C1QTNF3: variants seen among roughly 807,000 people sequenced by gnomAD.
C1QTNF3 encodes the protein complement C1q tumor necrosis factor-related protein 3.
In C1QTNF3, 26 loss-of-function variants were observed where a neutral mutation model predicts 32.6. The ratio of observed to expected loss-of-function variants is 0.80; its 90% CI spans 0.58 to 1.11. The LOEUF (loss-of-function observed/expected upper bound fraction) is 1.11, where lower values mean the gene tolerates loss of function less well. Ranked by LOEUF, C1QTNF3 falls within the 50% of genes least tolerant of loss-of-function variation. The pLI is 0.00. For missense variants in C1QTNF3, 362 were observed against 398.2 expected (o/e 0.91, Z 0.77); for synonymous variants, 155 against 146.0 (o/e 1.06, Z -0.44).
At chr5:34,194,773 A>T in the C1QTNF3 span, among the ~76,000 whole-genome samples, 2 of 152,290 alleles carry the variant, frequency 1.3e-5, no homozygotes, top group Admixed American at 6.5e-5. Flanking sequence ...TGAGGATAAC[A>T]AAGGATACTC....
intron 1 of C1QTNF3, among the ~76,000 whole-genome samples, chr5:34,037,590 A>G (rs1754771208): frequency 6.6e-6 from 1 of 152,234 alleles, no homozygotes; most frequent in East Asian, 1.9e-4. Context: ...GCAACCTCTC[A>G]GAACCCAAGT....
At chr5:34,188,526 A>C in the C1QTNF3 span, among the ~76,000 whole-genome samples, 7 of 152,374 alleles carry the variant, frequency 4.6e-5, no homozygotes, top group East Asian at 1.2e-3. Context: ...TAGATGTGAC[A>C]CATGGAGTCA....
rs193249794 is a variant in C1QTNF3 at position 34,021,695 on chromosome 5, A to G, written c.801-953T>C. Among the ~76,000 whole-genome samples, 59 of 152,354 alleles carry G rather than the reference A, an allele frequency of 3.9e-4. 2 individuals carry two copies. In the East Asian group the frequency reaches 0.011, roughly 28 times the overall value. On this transcript the variant is annotated intron_variant, in intron 5 of 5. Transcript: ENST00000382065. The stretch of plus-strand genomic sequence containing the variant: ...AACCAAACACCGCATATTCTCACTC[A>G]TAAGTGGGAGTTGAACAATGAGAAC...
chr5:34,047,022 TTA>T (rs1326879379), upstream of C1QTNF3, among the ~76,000 whole-genome samples: 1 of 152,242 alleles, frequency 6.6e-6, no homozygotes, highest in Non-Finnish European at 1.5e-5. Flanking sequence ...AGAATGTTCC[TTA>T]TGTCTAGTTT....
chr5:34,172,440 CG>C, the C1QTNF3 span, among the ~76,000 whole-genome samples: 406 of 21,302 alleles, frequency 0.019, no homozygotes, highest in Non-Finnish European at 0.052. Context: ...CGGGGTTGGG[CG>C]GGGGGGGCGG....
At chr5:34,089,537 G>A in the C1QTNF3 span, among the ~76,000 whole-genome samples, 1 of 152,188 alleles carries the variant, frequency 6.6e-6, no homozygotes, top group Non-Finnish European at 1.5e-5. Flanking sequence ...CAAGGAAAAA[G>A]CCCCTCAGCA....
the C1QTNF3 span, among the ~76,000 whole-genome samples, chr5:34,139,781 C>A: frequency 6.6e-6 from 1 of 152,088 alleles, no homozygotes; most frequent in Non-Finnish European, 1.5e-5. Context: ...TTAGCAAGAT[C>A]TGATTATCCA....
At chr5:34,084,789 GTTT>G in the C1QTNF3 span, among the ~76,000 whole-genome samples, 2 of 68,756 alleles carry the variant, frequency 2.9e-5, no homozygotes, top group African/African-American at 1.5e-4. Flanking sequence ...GGTTTTTCTG[GTTT>G]TTTTTTTGTT....
chr5:34,064,851 G>A, the C1QTNF3 span, among the ~76,000 whole-genome samples: 1 of 152,108 alleles, frequency 6.6e-6, no homozygotes, highest in East Asian at 1.9e-4. Flanking sequence ...GATTAGGTGA[G>A]GCCATCTACA....
chr5:34,100,511 A>C, the C1QTNF3 span, among the ~76,000 whole-genome samples: 1 of 152,084 alleles, frequency 6.6e-6, no homozygotes, highest in African/African-American at 2.4e-5. Context: ...GAAGATAATT[A>C]ACACAGTACC....
the C1QTNF3 span, among the ~76,000 whole-genome samples, chr5:34,135,301 C>T: frequency 1.3e-5 from 2 of 152,144 alleles, no homozygotes; most frequent in Admixed American, 6.5e-5. Context: ...TTTTGATGTG[C>T]TGCTGGATTC....
intron 4 of C1QTNF3, 198 bp from the exon 5 acceptor site, chr5:34,024,206 T>C (rs912232629): frequency 2.1e-5 from 11 of 532,332 alleles, no homozygotes; most frequent in Non-Finnish European, 3.7e-5. Flanking sequence ...GTGTACACTG[T>C]GTATCCCGAA....
the C1QTNF3 span, among the ~76,000 whole-genome samples, chr5:34,147,117 A>G: frequency 3.4e-5 from 5 of 147,528 alleles, no homozygotes; most frequent in African/African-American, 1.2e-4. Context: ...CATGCCACTC[A>G]CAATGGCTAT....
the C1QTNF3 span, chr5:34,124,412 T>C: frequency 5.6e-6 from 4 of 716,194 alleles, no homozygotes; most frequent in Non-Finnish European, 5.2e-6. Context: ...GGAAGCATAG[T>C]GATACCTGCT....
the C1QTNF3 span, among the ~76,000 whole-genome samples, chr5:34,174,475 T>C: frequency 2.0e-5 from 3 of 152,172 alleles, no homozygotes; most frequent in African/African-American, 7.2e-5. Flanking sequence ...GTTCTCCTTT[T>C]CCCTCTACTT....
At chr5:34,030,650 C>T (rs568473582) in intron 3 of C1QTNF3, among the ~76,000 whole-genome samples, 3 of 152,250 alleles carry the variant, frequency 2.0e-5, no homozygotes, top group African/African-American at 7.2e-5. Flanking sequence ...ACTTTTGTCA[C>T]TATTCACAAT....
At chr5:34,161,009 T>C in the C1QTNF3 span, among the ~76,000 whole-genome samples, 3 of 152,182 alleles carry the variant, frequency 2.0e-5, no homozygotes, top group Admixed American at 6.5e-5. Flanking sequence ...AAGACAGTGA[T>C]TCATATGCAT....
the C1QTNF3 span, among the ~76,000 whole-genome samples, chr5:34,129,271 T>C: frequency 6.6e-6 from 1 of 152,148 alleles, no homozygotes; most frequent in Non-Finnish European, 1.5e-5. Context: ...AGGTAGTTCT[T>C]TACAGCAGTG....
chr5:34,175,908 T>C, the C1QTNF3 span: 7 of 819,282 alleles, frequency 8.5e-6, no homozygotes, highest in Admixed American at 3.4e-5. Context: ...CAGATGGTAC[T>C]GCTCTAGCAG....
Sources: allele counts gnomAD v4.1 joint callset (sites outside exome capture counted in the v4.1 genomes callset), GRCh38; gene constraint gnomAD v4.1.1; transcripts MANE v1.5; gene names NCBI Gene and HGNC (gene_info 2026-07-23, HGNC 2026-07-21).